The following MCTP1 variants were observed in gnomAD, a reference collection of about 807,000 sequenced individuals.
MCTP1 encodes multiple C2 and transmembrane domain containing 1.
A neutral mutation model predicts 120.6 loss-of-function variants in MCTP1; 69 were observed. The ratio of observed to expected loss-of-function variants is 0.57; its 90% CI spans 0.47 to 0.70. The LOEUF (loss-of-function observed/expected upper bound fraction) is 0.70. MCTP1 is among the 30% of genes least tolerant of loss of function. The pLI, the probability that MCTP1 is intolerant of heterozygous loss-of-function variation, is 0.00. For synonymous variants in MCTP1, 529 were observed against 493.1 expected (o/e 1.07, Z -0.96); for missense variants, 1,203 against 1,248.8 (o/e 0.96, Z 0.55).
intron 17 of MCTP1, among the ~76,000 whole-genome samples, chr5:94,854,501 C>T (rs770988435): frequency 5.3e-5 from 8 of 151,822 alleles, no homozygotes; most frequent in African/African-American, 1.7e-4. Flanking sequence ...TTAGAACAAG[C>T]ATATGGCTAA....
chr5:94,965,472 C>T (rs545761176), intron 2 of MCTP1, among the ~76,000 whole-genome samples: 1 of 152,188 alleles, frequency 6.6e-6, no homozygotes, highest in South Asian at 2.1e-4. Flanking sequence ...TGTGGTGTAA[C>T]CTTTCACCTG....
Position 94,923,278 on chromosome 5 carries a change from CAAAG to C in MCTP1, c.1272+680_1272+683del, listed in dbSNP as rs543736982. On this transcript the variant is annotated intron_variant, in intron 7 of 22. Coordinates refer to ENST00000515393, the MANE Select transcript of MCTP1 (RefSeq NM_024717.7). ...TAAGCATATACCAAGTGTGAATTTTCAAAGAAAGAGGAACATTCTTAAAGGTAAA... is the reference window on the plus strand; with the variant it reads ...TAAGCATATACCAAGTGTGAATTTTCAAAGAGGAACATTCTTAAAGGTAAA... Among the ~76,000 whole-genome samples, 14 of 152,112 alleles carry C rather than the reference CAAAG, an allele frequency of 9.2e-5. No homozygotes were observed. The South Asian group carries it at 2.7e-3, about 29-fold the overall frequency.
intron 1 of MCTP1, among the ~76,000 whole-genome samples, chr5:95,218,923 A>G (rs902343984): frequency 1.3e-5 from 2 of 152,224 alleles, no homozygotes; most frequent in Non-Finnish European, 2.9e-5. Flanking sequence ...ATATAGTATT[A>G]TAATCTTCTG....
chr5:94,940,743 T>C (rs564723053), intron 4 of MCTP1, among the ~76,000 whole-genome samples: 4 of 151,350 alleles, frequency 2.6e-5, no homozygotes, highest in Non-Finnish European at 5.9e-5. Context: ...CTTCATTACA[T>C]TTTTTAATGA....
chr5:95,155,005 A>C (rs766076460), intron 1 of MCTP1, among the ~76,000 whole-genome samples: 1 of 152,162 alleles, frequency 6.6e-6, no homozygotes, highest in Admixed American at 6.5e-5. Flanking sequence ...AGCTAATTAT[A>C]AGCCTGTATA....
In MCTP1 at chr5:95,017,354, C is replaced by G; in HGVS notation, c.838+13G>C. 6.4e-7 allele frequency: 1 copy of G among 1,554,808 alleles called. No individual in the cohort carries two copies. The highest frequency in any genetic ancestry group is 8.8e-7 in the Non-Finnish European group (1 of 1,133,552). ...AAAAAAGCTTCTAGGTGATATTGCT[C>G]TTATGCTCTTACCTCCTCGATCTCG... is the stretch of plus-strand genomic sequence containing the variant. On this transcript the variant is annotated intron_variant, in intron 2 of 22. Transcript: ENST00000515393.
chr5:95,086,853 C>G (rs1209298093), intron 1 of MCTP1, among the ~76,000 whole-genome samples: 3 of 152,146 alleles, frequency 2.0e-5, no homozygotes, highest in African/African-American at 7.2e-5. Context: ...CTTCCTATAT[C>G]TGATTATTAA....
intron 17 of MCTP1, among the ~76,000 whole-genome samples, chr5:94,862,025 T>C (rs1286345925): frequency 6.6e-6 from 1 of 151,804 alleles, no homozygotes; most frequent in Non-Finnish European, 1.5e-5. Context: ...TTAGATTCAA[T>C]ATGGTATCAT....
intron 1 of MCTP1, among the ~76,000 whole-genome samples, chr5:95,115,866 A>G (rs775545219): frequency 2.9e-4 from 44 of 152,274 alleles, no homozygotes; most frequent in Non-Finnish European, 4.3e-4. Flanking sequence ...ATGGGTAAAG[A>G]TTCTAAAAGT....
chr5:95,195,469 C>G lies in MCTP1; in HGVS notation c.720+88387G>C, dbSNP rs1265670789. ...TGGGTAGCACAGGAAATGGAGCTCT[C>G]TAGGCAGCATGATCACAGAAAGAAT... On this transcript the variant is annotated intron_variant, in intron 1 of 22. Transcript: ENST00000515393. Among the ~76,000 whole-genome samples, 6 of 152,244 alleles carry G rather than the reference C, an allele frequency of 3.9e-5. No homozygotes were observed. In the East Asian group the frequency reaches 1.2e-3, roughly 29 times the overall value.
At chr5:94,822,280 A>C (rs996407228) in intron 17 of MCTP1, among the ~76,000 whole-genome samples, 1 of 151,616 alleles carries the variant, frequency 6.6e-6, no homozygotes. Flanking sequence ...TCATTGTTCA[A>C]CTCCCACTTA....
intron 1 of MCTP1, among the ~76,000 whole-genome samples, chr5:95,221,585 T>C (rs1753703124): frequency 6.6e-6 from 1 of 152,240 alleles, no homozygotes; most frequent in Non-Finnish European, 1.5e-5. Flanking sequence ...ACCACTACCA[T>C]GCTTCTCTCT....
chr5:95,258,222 T>A (rs981196603), intron 1 of MCTP1, among the ~76,000 whole-genome samples: 2 of 152,150 alleles, frequency 1.3e-5, no homozygotes, highest in Non-Finnish European at 2.9e-5. Context: ...AGCCAAGCAA[T>A]CAAGGTCAAC....
intron 1 of MCTP1, among the ~76,000 whole-genome samples, chr5:95,031,326 A>T (rs1210987804): frequency 6.6e-6 from 1 of 152,084 alleles, no homozygotes; most frequent in Non-Finnish European, 1.5e-5. Context: ...CAAGACATAG[A>T]GTCGTCTGAT....
In MCTP1 at chr5:94,708,614, AAC is replaced by A; in HGVS notation, c.2831-7_2831-6del. ...TTTTTGTAAATTTATTGATGCCTGA[AAC>A]AAAGTTGGAGTTAAACAAAGCACAT... On this transcript the variant is annotated splice_region_variant and splice_polypyrimidine_tract_variant and intron_variant, in intron 21 of 22. Transcript: ENST00000515393. 1 of 1,573,264 alleles carries A rather than the reference AAC, an allele frequency of 6.4e-7. No individual in the cohort carries two copies. Among genetic ancestry groups the A allele is most frequent in the Non-Finnish European group, 8.7e-7 (1 of 1,143,748 alleles).
At chr5:94,747,951 G>A (rs979109903) in intron 19 of MCTP1, among the ~76,000 whole-genome samples, 6 of 152,030 alleles carry the variant, frequency 3.9e-5, no homozygotes, top group African/African-American at 7.2e-5. Flanking sequence ...ATTGCTCGGC[G>A]TAGTGGCGCG....
intron 1 of MCTP1, among the ~76,000 whole-genome samples, chr5:95,263,427 C>T (rs948424467): frequency 2.0e-5 from 3 of 152,146 alleles, no homozygotes; most frequent in African/African-American, 7.2e-5. Context: ...TGTCACCTCC[C>T]CCATACTAAG....
chr5:95,010,383 T>TTTC (rs1409105808), intron 2 of MCTP1, among the ~76,000 whole-genome samples: 1 of 152,054 alleles, frequency 6.6e-6, no homozygotes. Flanking sequence ...CTTCCTAGCT[T>TTTC]TTCTTCTCAT....
chr5:95,145,963 G>A (rs1257082266), intron 1 of MCTP1, among the ~76,000 whole-genome samples: 1 of 152,090 alleles, frequency 6.6e-6, no homozygotes, highest in Non-Finnish European at 1.5e-5. Context: ...AGTGAGATTG[G>A]TTCCAGTTCT....
Sources: gnomAD v4.1 joint callset for allele counts (sites outside exome capture counted in the v4.1 genomes callset) on GRCh38, gnomAD v4.1.1 for gene constraint, MANE v1.5 for transcripts, NCBI Gene and HGNC (gene_info 2026-07-23, HGNC 2026-07-21) for gene names.